Variants in CDH7 observed in about 807,000 individuals in gnomAD.
CDH7 encodes cadherin 7, also known as cadherin-7.
CDH7 carries 25 observed loss-of-function variants against 71.8 expected under a neutral mutation model. That is an observed-to-expected ratio of 0.35 (90% confidence interval 0.25 to 0.49). The LOEUF (loss-of-function observed/expected upper bound fraction) is 0.49, where lower values mean the gene tolerates loss of function less well. CDH7 is among the 20% of genes least tolerant of loss of function. The pLI is 0.99. For missense variants in CDH7, 862 were observed against 974.6 expected (o/e 0.88, Z 1.54); for synonymous variants, 381 against 363.8 (o/e 1.05, Z -0.54).
At chr18:65,879,258 A>G (rs1203894497) in intron 11 of CDH7, among the ~76,000 whole-genome samples, 3 of 152,178 alleles carry the variant, frequency 2.0e-5, no homozygotes, top group Non-Finnish European at 2.9e-5. Flanking sequence ...TAAAAAGTTT[A>G]CAAGATACTT....
intron 2 of CDH7, among the ~76,000 whole-genome samples, chr18:65,791,854 G>T (rs1910722968): frequency 6.6e-6 from 1 of 152,002 alleles, no homozygotes; most frequent in Non-Finnish European, 1.5e-5. Context: ...AACTTGTCTG[G>T]TTTAAATTCC....
At chr18:65,850,151 G>A (rs1026855862) in intron 7 of CDH7, among the ~76,000 whole-genome samples, 1 of 130,520 alleles carries the variant, frequency 7.7e-6, no homozygotes, top group Non-Finnish European at 1.6e-5. Flanking sequence ...GTGACAGAGT[G>A]AGACCCTGCC....
At chr18:65,760,954 C>T (rs921950634) in intron 1 of CDH7, among the ~76,000 whole-genome samples, 12 of 152,182 alleles carry the variant, frequency 7.9e-5, no homozygotes, top group Non-Finnish European at 1.5e-4. Context: ...AAGGGGCCTA[C>T]ATTGGAACAT....
At chr18:65,783,644 C>T (rs763299797) in intron 2 of CDH7, among the ~76,000 whole-genome samples, 5 of 152,106 alleles carry the variant, frequency 3.3e-5, no homozygotes, top group Non-Finnish European at 5.9e-5. Flanking sequence ...CGTTGGTGGG[C>T]TGAAGATAGC....
chr18:65,839,922 G>A (rs1912666394), intron 6 of CDH7, among the ~76,000 whole-genome samples: 1 of 152,102 alleles, frequency 6.6e-6, no homozygotes, highest in African/African-American at 2.4e-5. Context: ...GGCCCTTGAG[G>A]TAAAGATGGT....
rs768361406 is a variant in CDH7 at position 65,857,931 on chromosome 18, A to G, written c.1351A>G (p.Thr451Ala). ...AGAGACAAATGCTATTCACAATATC[A>G]CAGTCCTTGCAATGGAGAGCCGTAA... ...DRETNAIHNI[T>A]VLAMESQNPS... is the part of the protein sequence containing the mutation. The change falls in exon 8 of 12, where the codon ACA becomes GCA. Residue 451 changes from threonine to alanine, a missense_variant. Coordinates refer to ENST00000397968, the MANE Select transcript of CDH7 (RefSeq NM_004361.5). 1 of 1,613,572 alleles carries G rather than the reference A, an allele frequency of 6.2e-7. No individual in the cohort carries two copies. Among genetic ancestry groups the G allele is most frequent in the South Asian group, 1.1e-5 (1 of 91,046 alleles).
chr18:65,767,100 T>A (rs1324424756), intron 2 of CDH7, among the ~76,000 whole-genome samples: 2 of 151,006 alleles, frequency 1.3e-5, no homozygotes, highest in South Asian at 2.1e-4. Context: ...TTTCTTTTTT[T>A]TTTTTTTGGC....
At chr18:65,802,898 A>C (rs1198258336) in intron 2 of CDH7, among the ~76,000 whole-genome samples, 1 of 152,154 alleles carries the variant, frequency 6.6e-6, no homozygotes, top group African/African-American at 2.4e-5. Context: ...GTCGGTGAAC[A>C]TGAAGCTCTA....
In CDH7 at chr18:65,786,583, T is replaced by C. The variant is rs141345458; in HGVS notation, c.211-23121T>C. 9.8e-5 allele frequency among the ~76,000 whole-genome samples: 15 copies of C among 152,314 alleles called. No individual in the cohort carries two copies. The East Asian group carries it at 2.9e-3, about 29-fold the overall frequency. ...TCTGTGATGGGATTCAGCCCTTGTT[T>C]AAAATGATGTTGTAAAAGGATAGCT... is the stretch of plus-strand genomic sequence containing the variant. On this transcript the variant is annotated intron_variant, in intron 2 of 11. Transcript: ENST00000397968.
At chr18:65,854,604 A>C (rs749350875) in intron 7 of CDH7, among the ~76,000 whole-genome samples, 23 of 152,298 alleles carry the variant, frequency 1.5e-4, no homozygotes, top group Non-Finnish European at 2.6e-4. Context: ...GGGGAATTAC[A>C]TGAATTCATT....
intron 6 of CDH7, among the ~76,000 whole-genome samples, chr18:65,835,463 A>G (rs556246780): frequency 6.6e-6 from 1 of 152,170 alleles, no homozygotes; most frequent in Non-Finnish European, 1.5e-5. Context: ...TTTCTCCTCT[A>G]TTAGCCTATC....
chr18:65,756,763 C>T (rs1916041149), intron 1 of CDH7, among the ~76,000 whole-genome samples: 1 of 152,164 alleles, frequency 6.6e-6, no homozygotes. Context: ...CAAAAATAGT[C>T]CTATATTTCC....
At chr18:65,757,230 AAAGTT>A (rs1435898748) in intron 1 of CDH7, among the ~76,000 whole-genome samples, 1 of 152,188 alleles carries the variant, frequency 6.6e-6, no homozygotes, top group African/African-American at 2.4e-5. Context: ...ATTAGCTGTT[AAAGTT>A]AAGTGGATAA....
intron 2 of CDH7, among the ~76,000 whole-genome samples, chr18:65,794,669 G>A (rs1910843499): frequency 6.6e-6 from 1 of 151,990 alleles, no homozygotes; most frequent in Non-Finnish European, 1.5e-5. Context: ...TTTTCGTGTG[G>A]GGAAATGAAA....
intron 11 of CDH7, chr18:65,865,772 A>G (rs1913734703): frequency 6.6e-6 from 1 of 152,194 alleles, no homozygotes; most frequent in Admixed American, 6.5e-5. Flanking sequence ...GAGATTAAGT[A>G]TTCACAGGGG....
At chr18:65,872,172 C>T (rs1209164934) in intron 11 of CDH7, among the ~76,000 whole-genome samples, 1 of 152,084 alleles carries the variant, frequency 6.6e-6, no homozygotes, top group Non-Finnish European at 1.5e-5. Flanking sequence ...CACACAATTT[C>T]CCATGAAGTT....
intron 6 of CDH7, among the ~76,000 whole-genome samples, chr18:65,840,720 C>T (rs1035405267): frequency 2.0e-5 from 3 of 152,180 alleles, no homozygotes; most frequent in Admixed American, 1.3e-4. Flanking sequence ...CCTCCCCAGC[C>T]ACGTGGAACT....
intron 2 of CDH7, among the ~76,000 whole-genome samples, chr18:65,790,869 A>G (rs974967752): frequency 6.6e-6 from 1 of 152,210 alleles, no homozygotes; most frequent in African/African-American, 2.4e-5. Context: ...ACTCTGTCTC[A>G]AAACAAAACA....
rs79910703 is a variant in CDH7, at chr18:65,878,564, T to A, written c.1865-1837T>A. 6.4e-3 allele frequency among the ~76,000 whole-genome samples: 981 copies of A among 152,150 alleles called. 10 individuals carry two copies. The highest frequency in any genetic ancestry group is 0.023 in the African/African-American group (938 of 41,500). On this transcript the variant is annotated intron_variant, in intron 11 of 11. Transcript: ENST00000397968. Reference sequence around the variant, plus strand: ...CAGTAGACAAGAAAGGACAATCCACTTAACAGGGAAGGAAGGTGAATACCA... The same window carrying A: ...CAGTAGACAAGAAAGGACAATCCACATAACAGGGAAGGAAGGTGAATACCA...
Sources: gnomAD v4.1 joint callset for allele counts (sites outside exome capture counted in the v4.1 genomes callset) on GRCh38, gnomAD v4.1.1 for gene constraint, MANE v1.5 for transcripts, NCBI Gene and HGNC (gene_info 2026-07-23, HGNC 2026-07-21) for gene names.